Variants in AGBL4 observed in about 807,000 individuals in gnomAD.
AGBL4 encodes the protein cytosolic carboxypeptidase 6.
In AGBL4, 58 loss-of-function variants were observed where a neutral mutation model predicts 66.4. That is an observed-to-expected ratio of 0.87 (90% CI 0.71 to 1.09). The LOEUF (loss-of-function observed/expected upper bound fraction) is 1.09, where lower values mean the gene tolerates loss of function less well. Among genes scored for constraint, AGBL4 ranks in the 50% least tolerant of loss-of-function variants. The pLI, the probability that AGBL4 is intolerant of heterozygous loss-of-function variation, is 0.00. For synonymous variants in AGBL4, 234 were observed against 222.9 expected (o/e 1.05, Z -0.44); for missense variants, 579 against 631.0 (o/e 0.92, Z 0.88).
At chr1:49,566,291 C>T (rs1644202297) in intron 3 of AGBL4, among the ~76,000 whole-genome samples, 1 of 152,202 alleles carries the variant, frequency 6.6e-6, no homozygotes, top group African/African-American at 2.4e-5. Flanking sequence ...AAGCCTTCTT[C>T]TCTCAATTCA....
At chr1:49,810,575 T>C (rs1158140986) in intron 2 of AGBL4, among the ~76,000 whole-genome samples, 3 of 152,084 alleles carry the variant, frequency 2.0e-5, no homozygotes, top group Admixed American at 6.6e-5. Context: ...AAAGAAGGCA[T>C]TTCTAAAACA....
At chr1:48,660,365 C>T (rs1646087972) in intron 7 of AGBL4, among the ~76,000 whole-genome samples, 1 of 152,210 alleles carries the variant, frequency 6.6e-6, no homozygotes. Context: ...GTTCCCTGCT[C>T]AAGGTCACTG....
At chr1:49,941,197 C>G (rs1654724899) in intron 1 of AGBL4, among the ~76,000 whole-genome samples, 1 of 152,066 alleles carries the variant, frequency 6.6e-6, no homozygotes, top group Admixed American at 6.6e-5. Flanking sequence ...TTTTTTAAGT[C>G]TCCCGTCAAA....
intron 6 of AGBL4, chr1:48,776,782 G>C (rs1429400273): frequency 2.4e-5 from 36 of 1,523,896 alleles, no homozygotes; most frequent in Non-Finnish European, 3.1e-5. Context: ...GCACGACACG[G>C]GCAGCGCGTA....
chr1:48,585,922 C>T (rs1365681891), intron 11 of AGBL4: 3 of 151,698 alleles, frequency 2.0e-5, no homozygotes, highest in African/African-American at 7.3e-5. Context: ...TCCATAAACA[C>T]TCACCAAGGG....
At chr1:49,467,445 T>A (rs1404598162) in intron 3 of AGBL4, among the ~76,000 whole-genome samples, 2 of 151,804 alleles carry the variant, frequency 1.3e-5, no homozygotes, top group Admixed American at 1.3e-4. Context: ...AGTCCCTTTC[T>A]CTTTAGGCCT....
intron 5 of AGBL4, among the ~76,000 whole-genome samples, chr1:48,932,582 G>A (rs1571032280): frequency 2.0e-5 from 3 of 152,266 alleles, no homozygotes; most frequent in East Asian, 3.9e-4. Flanking sequence ...AGTTGCCAGG[G>A]AAACTGTGTA....
At chr1:49,877,472 C>T (rs919348264) in intron 1 of AGBL4, among the ~76,000 whole-genome samples, 7 of 150,682 alleles carry the variant, frequency 4.6e-5, no homozygotes, top group East Asian at 1.9e-4. Context: ...TATTGATTTG[C>T]GTATATTGAA....
chr1:48,858,709 G>A (rs1647251028), intron 6 of AGBL4, among the ~76,000 whole-genome samples: 1 of 152,162 alleles, frequency 6.6e-6, no homozygotes, highest in African/African-American at 2.4e-5. Flanking sequence ...CAGTCGGTAT[G>A]GAGTTTATGT....
chr1:49,372,621 TTCTTTCTTTC>T (rs1039569091), intron 3 of AGBL4, among the ~76,000 whole-genome samples: 5 of 86,558 alleles, frequency 5.8e-5, no homozygotes, highest in African/African-American at 2.1e-4. Flanking sequence ...CTTTCTTTCT[TTCTTTCTTTC>T]TTTCTTTCTT....
At chr1:48,853,955 C>G (rs1647089036) in intron 6 of AGBL4, among the ~76,000 whole-genome samples, 1 of 152,180 alleles carries the variant, frequency 6.6e-6, no homozygotes, top group African/African-American at 2.4e-5. Context: ...TATCTCCTCT[C>G]AAACCTCATT....
chr1:49,301,041 T>A (rs1644735830), intron 3 of AGBL4, among the ~76,000 whole-genome samples: 3 of 152,308 alleles, frequency 2.0e-5, no homozygotes, highest in South Asian at 4.1e-4. Context: ...ACAAGGAGCA[T>A]GTCTTGTTTG....
chr1:49,730,911 A>G (rs1571423782), intron 2 of AGBL4, among the ~76,000 whole-genome samples: 2 of 152,334 alleles, frequency 1.3e-5, no homozygotes, highest in South Asian at 4.1e-4. Context: ...TTAATGAATG[A>G]AGGTAAGTAT....
chr1:48,670,347 T>A (rs1646257621), intron 6 of AGBL4, among the ~76,000 whole-genome samples: 1 of 152,216 alleles, frequency 6.6e-6, no homozygotes, highest in South Asian at 2.1e-4. Context: ...GACTTGCCCC[T>A]GGCCACACAG....
At chr1:49,790,521 A>G (rs1488638364) in intron 2 of AGBL4, among the ~76,000 whole-genome samples, 1 of 152,204 alleles carries the variant, frequency 6.6e-6, no homozygotes, top group African/African-American at 2.4e-5. Flanking sequence ...TACTGCCTGC[A>G]AAGGGGATGA....
At chr1:48,670,156 C>T (rs1010974826) in intron 6 of AGBL4, among the ~76,000 whole-genome samples, 2 of 152,212 alleles carry the variant, frequency 1.3e-5, no homozygotes, top group Non-Finnish European at 2.9e-5. Flanking sequence ...CCTATCTTCA[C>T]AAATGGTGTC....
intron 4 of AGBL4, among the ~76,000 whole-genome samples, chr1:49,244,654 C>A (rs1016495357): frequency 6.6e-6 from 1 of 151,744 alleles, no homozygotes; most frequent in Non-Finnish European, 1.5e-5. Flanking sequence ...AATATTTGAA[C>A]AGAGATCAAA....
intron 4 of AGBL4, among the ~76,000 whole-genome samples, chr1:49,176,548 C>T (rs1459677011): frequency 6.6e-6 from 1 of 152,124 alleles, no homozygotes; most frequent in Non-Finnish European, 1.5e-5. Context: ...CTTGCTCATA[C>T]AAACGATGGA....
rs530100047 is a variant in AGBL4 at position 49,689,810 on chromosome 1, T to C, written c.282+7503A>G. ...TCCTTTGGTTAAGTTAATTCCTACG[T>C]GTTTAATTTTATTTTTGGCTACTGC... is the stretch of plus-strand genomic sequence containing the variant. On this transcript the variant is annotated intron_variant, in intron 3 of 13. Transcript: ENST00000371839. Among the ~76,000 whole-genome samples the C allele has an allele frequency of 2.2e-4, 34 of 152,314 alleles. No individual in the cohort carries two copies. The South Asian group carries it at 6.0e-3, about 27-fold the overall frequency.
Sources: gnomAD v4.1 joint callset for allele counts (sites outside exome capture counted in the v4.1 genomes callset) on GRCh38, gnomAD v4.1.1 for gene constraint, MANE v1.5 for transcripts, NCBI Gene and HGNC (gene_info 2026-07-23, HGNC 2026-07-21) for gene names.